Variants in STRBP observed in about 807,000 individuals in gnomAD.
STRBP encodes spermatid perinuclear RNA binding protein.
Under a neutral mutation model 80.1 loss-of-function variants are expected in STRBP, and 13 were observed. That is an observed-to-expected ratio of 0.16 (90% CI 0.11 to 0.26). STRBP has a LOEUF of 0.26. STRBP is among the 10% of genes least tolerant of loss of function. The pLI, the probability that STRBP is intolerant of heterozygous loss-of-function variation, is 1.00. For synonymous variants in STRBP, 284 were observed against 291.2 expected, an observed-to-expected ratio of 0.98 and a Z score of 0.25; for missense variants, 485 against 815.2, an observed-to-expected ratio of 0.59 and a Z score of 4.93.
intron 1 of STRBP, among the ~76,000 whole-genome samples, chr9:123,264,539 G>T (rs536872188): frequency 6.6e-6 from 1 of 152,194 alleles, no homozygotes; most frequent in Non-Finnish European, 1.5e-5. Flanking sequence ...CCGTATTTAC[G>T]TAGCTCCAGT....
chr9:123,178,989 A>G lies in STRBP; in HGVS notation c.224+18T>C. 6.2e-7 allele frequency: 1 copy of G among 1,611,752 alleles called. No homozygotes were observed. The highest frequency in any genetic ancestry group is 8.5e-7 in the Non-Finnish European group (1 of 1,177,908). On this transcript the variant is annotated intron_variant, in intron 4 of 18. Transcript: ENST00000348403. ...TGTGCACTCTAGCACAGCGTCCCAG[A>G]GGTCAGTCCACACTCACTTGGAATA...
At chr9:123,165,746 G>C (rs1027357762) in intron 6 of STRBP, among the ~76,000 whole-genome samples, 1 of 152,090 alleles carries the variant, frequency 6.6e-6, no homozygotes, top group Non-Finnish European at 1.5e-5. Flanking sequence ...GACAATAATG[G>C]GAAGTGGCCT....
In STRBP at chr9:123,139,544, G is replaced by A; in HGVS notation, c.1482C>T (p.Thr494=). 1.2e-6 allele frequency: 2 copies of A among 1,610,344 alleles called. No homozygotes were observed. Among genetic ancestry groups the A allele is most frequent in the Non-Finnish European group, 1.7e-6 (2 of 1,178,942 alleles). Residue 494 remains threonine, a synonymous_variant, in exon 14 of 19, where the codon ACC becomes ACT. Coordinates refer to ENST00000348403, the MANE Select transcript of STRBP (RefSeq NM_018387.5). Reference sequence around the variant, plus strand: ...ATAAGTATACCTCTAAGGTACTGGAGGTTTCAGTTGTAGAATTTCCAGTAT... The same window carrying A: ...ATAAGTATACCTCTAAGGTACTGGAAGTTTCAGTTGTAGAATTTCCAGTAT... ...SNNTGNSTTE[T]SSTLEVRTQG...
Position 123,241,191 on chromosome 9 carries a change from A to AAAAC in STRBP, c.-301-4226_-301-4225insGTTT, listed in dbSNP as rs202242536. Among the ~76,000 whole-genome samples the AAAAC allele has an allele frequency of 1.1e-3, 164 of 151,978 alleles. 4 individuals are homozygous for AAAAC. In the East Asian group the frequency reaches 0.03, roughly 28 times the overall value. On this transcript the variant is annotated intron_variant, in intron 1 of 18. Coordinates refer to ENST00000348403, the MANE Select transcript of STRBP (RefSeq NM_018387.5). The stretch of plus-strand genomic sequence containing the variant: ...CAAAACTCCATCTCAAAAAAAAAAA[A>AAAAC]AAAACAAAGTGATTTAAAAAGGACT...
intron 13 of STRBP, among the ~76,000 whole-genome samples, chr9:123,140,525 C>T (rs1186052423): frequency 2.0e-5 from 3 of 151,938 alleles, no homozygotes; most frequent in Non-Finnish European, 2.9e-5. Context: ...ACCTGGGAGG[C>T]GGAGGTTGCA....
intron 9 of STRBP, 120 bp from the exon 10 acceptor site, chr9:123,158,549 A>G: frequency 1.2e-6 from 1 of 813,542 alleles, no homozygotes; most frequent in Non-Finnish European, 1.9e-6. Context: ...CTGAGGAACT[A>G]AGTTAAAAGT....
intron 9 of STRBP, 104 bp downstream of exon 9, chr9:123,158,992 A>T: frequency 1.2e-6 from 1 of 841,464 alleles, no homozygotes; most frequent in East Asian, 2.5e-5. Flanking sequence ...AAGAACTCCT[A>T]TGCATCATTT....
At chr9:123,116,695 T>C (rs2035651069), downstream of STRBP, among the ~76,000 whole-genome samples, 1 of 152,166 alleles carries the variant, frequency 6.6e-6, no homozygotes, top group African/African-American at 2.4e-5. Flanking sequence ...GAGAAGCCAC[T>C]GCTGCCAAGT....
chr9:123,127,416 A>G (rs1042722259), intron 18 of STRBP, among the ~76,000 whole-genome samples: 1 of 151,884 alleles, frequency 6.6e-6, no homozygotes, highest in Admixed American at 6.6e-5. Flanking sequence ...GCACACACAC[A>G]CTCTCATGCT....
intron 13 of STRBP, among the ~76,000 whole-genome samples, chr9:123,143,287 T>TG (rs1333337533): frequency 6.6e-6 from 1 of 152,192 alleles, no homozygotes; most frequent in African/African-American, 2.4e-5. Flanking sequence ...GTATCCTTTG[T>TG]GGGGGGCTGC....
intron 6 of STRBP, among the ~76,000 whole-genome samples, chr9:123,166,850 A>C (rs2037787320): frequency 1.3e-5 from 2 of 152,226 alleles, no homozygotes; most frequent in Non-Finnish European, 2.9e-5. Flanking sequence ...CTATGCCTTC[A>C]TTAGCAGGAA....
At chr9:123,228,842 A>G (rs1425280162) in intron 2 of STRBP, among the ~76,000 whole-genome samples, 2 of 152,234 alleles carry the variant, frequency 1.3e-5, no homozygotes, top group African/African-American at 4.8e-5. Context: ...CTAAGTATGT[A>G]GCCAAGATAA....
chr9:123,208,971 A>G (rs1340090294), intron 2 of STRBP, among the ~76,000 whole-genome samples: 1 of 152,190 alleles, frequency 6.6e-6, no homozygotes, highest in East Asian at 1.9e-4. Context: ...CAACATGGTT[A>G]GGTGACATGC....
chr9:123,201,516 T>C (rs2039325185), intron 2 of STRBP, among the ~76,000 whole-genome samples: 2 of 152,240 alleles, frequency 1.3e-5, no homozygotes, highest in Non-Finnish European at 1.5e-5. Flanking sequence ...TTGTACAGTT[T>C]TGAGAGTTCC....
chr9:123,206,857 C>T (rs1377224895), intron 2 of STRBP, among the ~76,000 whole-genome samples: 2 of 152,060 alleles, frequency 1.3e-5, no homozygotes, highest in East Asian at 1.9e-4. Flanking sequence ...AGGCTGGTCT[C>T]GAACTACTGA....
At chr9:123,234,523 T>C (rs185431918) in intron 2 of STRBP, among the ~76,000 whole-genome samples, 1 of 152,320 alleles carries the variant, frequency 6.6e-6, no homozygotes, top group Non-Finnish European at 1.5e-5. Context: ...AGTAACTTTG[T>C]AGCAAGGCTC....
At chr9:123,149,297 T>C (rs926077204) in intron 11 of STRBP, among the ~76,000 whole-genome samples, 4 of 152,244 alleles carry the variant, frequency 2.6e-5, no homozygotes, top group Admixed American at 6.5e-5. Flanking sequence ...GAAGGCAACG[T>C]TGGCTGAGTA....
At chr9:123,211,741 T>C (rs1011116846) in intron 2 of STRBP, among the ~76,000 whole-genome samples, 2 of 152,178 alleles carry the variant, frequency 1.3e-5, no homozygotes, top group Non-Finnish European at 2.9e-5. Context: ...CTAATATGGA[T>C]AACTTTAAAA....
chr9:123,128,365 TC>T, intron 17 of STRBP, 107 bp from the exon 18 acceptor site: 2 of 1,260,382 alleles, frequency 1.6e-6, no homozygotes, highest in Non-Finnish European at 2.3e-6. Flanking sequence ...GAGGACTTCT[TC>T]CAGATGTTGG....
Sources: allele counts gnomAD v4.1 joint callset (sites outside exome capture counted in the v4.1 genomes callset), GRCh38; gene constraint gnomAD v4.1.1; transcripts MANE v1.5; gene names NCBI Gene and HGNC (gene_info 2026-07-23, HGNC 2026-07-21).